CYREN: variants seen among roughly 807,000 people sequenced by gnomAD.
CYREN encodes the protein cell cycle regulator of NHEJ, also known as cell cycle regulator of non-homologous end joining.
CYREN carries 7 observed loss-of-function variants against 9.7 expected under a neutral mutation model. The ratio of observed to expected loss-of-function variants is 0.72; its 90% CI spans 0.41 to 1.36. The LOEUF is 1.36. CYREN is among the 40% of genes most tolerant of loss of function. CYREN has a pLI of 0.01. For missense variants in CYREN, 215 were observed against 198.1 expected, an observed-to-expected ratio of 1.09 and a Z score of -0.51; for synonymous variants, 76 against 77.9, an observed-to-expected ratio of 0.98 and a Z score of 0.13.
At chr7:135,139,250 G>T (rs980909453) in intron 2 of CYREN, among the ~76,000 whole-genome samples, 3 of 150,904 alleles carry the variant, frequency 2.0e-5, no homozygotes, top group African/African-American at 7.3e-5. Context: ...AACCTCACTA[G>T]TTTTTTTTTA....
intron 1 of CYREN, among the ~76,000 whole-genome samples, chr7:135,170,050 T>A (rs987361755): frequency 6.6e-6 from 1 of 152,226 alleles, no homozygotes; most frequent in African/African-American, 2.4e-5. Context: ...GCGGACAAAT[T>A]TAGTTCACCC....
intron 2 of CYREN, among the ~76,000 whole-genome samples, chr7:135,125,578 G>C (rs62479727): frequency 3.9e-5 from 6 of 151,916 alleles, no homozygotes; most frequent in Non-Finnish European, 2.9e-5. Context: ...AAACCAGGAA[G>C]AGACACAACA....
Position 135,151,460 on chromosome 7 carries a change from G to A in CYREN, n.356+17289C>T, listed in dbSNP as rs77775910. ...GGTGGCCTCTGACAAGTAAACCTGC[G>A]CCCTTGTTCTATGCCCTGGCAAGCT... On this transcript the variant is annotated intron_variant and non_coding_transcript_variant, in intron 2 of 2. Transcript: ENST00000459937. The surrounding 1 kb of genome is among the most constrained non-coding windows in gnomAD (Gnocchi z 4.3). Among the ~76,000 whole-genome samples, 159 of 152,220 alleles carry A rather than the reference G, an allele frequency of 1.0e-3. 2 individuals carry two copies. In the East Asian group the frequency reaches 0.027, roughly 26 times the overall value.
chr7:135,096,841 G>A (rs988936605), intron 2 of CYREN, among the ~76,000 whole-genome samples: 44 of 151,978 alleles, frequency 2.9e-4, no homozygotes, highest in Non-Finnish European at 4.1e-4. Flanking sequence ...AATGACTGGC[G>A]GAAGAACATA....
Position 135,151,395 on chromosome 7 carries a change from A to G in CYREN, n.356+17354T>C, listed in dbSNP as rs1829662519. Reference sequence around the variant, plus strand: ...CCACACCTAAACCATGAGCACACTGATCTTCAATGTGTTCCACCAGAAATA... The same window carrying G: ...CCACACCTAAACCATGAGCACACTGGTCTTCAATGTGTTCCACCAGAAATA... On this transcript the variant is annotated intron_variant and non_coding_transcript_variant, in intron 2 of 2. Coordinates refer to the CYREN transcript ENST00000459937. This position sits in a 1 kb window ranked among gnomAD's most constrained non-coding sequence, Gnocchi z 4.3. 6.6e-6 allele frequency among the ~76,000 whole-genome samples: 1 copy of G among 152,156 alleles called. No homozygotes were observed.
intron 2 of CYREN, among the ~76,000 whole-genome samples, chr7:135,148,442 T>C (rs1361578857): frequency 6.6e-6 from 1 of 152,236 alleles, no homozygotes; most frequent in Non-Finnish European, 1.5e-5. Context: ...CTACATAATC[T>C]ACCCCCTTTA....
At chr7:135,156,990 T>C (rs1205758401) in intron 2 of CYREN, among the ~76,000 whole-genome samples, 1 of 152,210 alleles carries the variant, frequency 6.6e-6, no homozygotes, top group Non-Finnish European at 1.5e-5. Context: ...CACCACCATA[T>C]AAGAAGTGTG....
chr7:135,134,958 G>C, intron 2 of CYREN: 1 of 1,551,182 alleles, frequency 6.4e-7, no homozygotes, highest in Non-Finnish European at 8.7e-7. Context: ...AATGGGTCCA[G>C]TCTAAGCCCC....
Position 135,110,440 on chromosome 7 carries a change from C to G in CYREN, n.357-15858G>C, listed in dbSNP as rs960650127. On this transcript the variant is annotated intron_variant and non_coding_transcript_variant, in intron 2 of 2. Transcript: ENST00000459937. Reference sequence around the variant, plus strand: ...CCTGAGTAGCTGCTCTGCCAAGACTCCATGTATCAATAACCCTATGTGTCA... The same window carrying G: ...CCTGAGTAGCTGCTCTGCCAAGACTGCATGTATCAATAACCCTATGTGTCA... Among the ~76,000 whole-genome samples the G allele has an allele frequency of 5.3e-5, 8 of 152,134 alleles. 1 individual carries two copies. The highest frequency in any genetic ancestry group is 1.9e-4 in the African/African-American group (8 of 41,428).
intron 2 of CYREN, among the ~76,000 whole-genome samples, chr7:135,156,386 T>A (rs557627907): frequency 1.3e-5 from 2 of 152,264 alleles, no homozygotes; most frequent in African/African-American, 4.8e-5. Flanking sequence ...CTCAAAGGCT[T>A]TATTCATTCT....
At chr7:135,149,318 T>C (rs1490242407) in intron 2 of CYREN, among the ~76,000 whole-genome samples, 1 of 152,236 alleles carries the variant, frequency 6.6e-6, no homozygotes, top group Non-Finnish European at 1.5e-5. Flanking sequence ...CTTTAGTCTC[T>C]TTCTCCTATG....
At chr7:135,096,564 GATAGATAGATAGATAGATAC>G (rs60550321) in intron 2 of CYREN, among the ~76,000 whole-genome samples, 15,090 of 56,298 alleles carry the variant, frequency 0.27, 1,073 homozygotes, top group Middle Eastern at 0.44. Context: ...AAGAAAGATA[GATAGATAGATAGATAGATAC>G]ATAGATAGAT....
At chr7:135,094,808 C>T (rs6946387) in intron 2 of CYREN, among the ~76,000 whole-genome samples, 67,172 of 151,986 alleles carry the variant, frequency 0.44, 15,497 homozygotes, top group East Asian at 0.78. Context: ...ATTCAGATTA[C>T]ATAAGTTGTT....
chr7:135,093,298 C>T (rs1822141685), exon 3 of CYREN: 1 of 151,894 alleles, frequency 6.6e-6, no homozygotes, highest in African/African-American at 2.4e-5. Context: ...GGAACACACA[C>T]ACACACATAC....
chr7:135,101,460 G>T (rs1477553419), intron 2 of CYREN, among the ~76,000 whole-genome samples: 1 of 151,820 alleles, frequency 6.6e-6, no homozygotes, highest in Non-Finnish European at 1.5e-5. Context: ...TATATGAGTT[G>T]AATATAGAAG....
At chr7:135,127,333 G>C (rs1005740366) in intron 2 of CYREN, among the ~76,000 whole-genome samples, 7 of 151,612 alleles carry the variant, frequency 4.6e-5, no homozygotes, top group African/African-American at 1.7e-4. Context: ...AGGGTGGGTG[G>C]ATCACGAGGT....
At chr7:135,127,484 C>T (rs10258478) in intron 2 of CYREN, among the ~76,000 whole-genome samples, 2,887 of 151,240 alleles carry the variant, frequency 0.019, 104 homozygotes, top group African/African-American at 0.065. Flanking sequence ...ACCCGGGAGG[C>T]GGAGGTTGCA....
intron 2 of CYREN, among the ~76,000 whole-genome samples, chr7:135,140,772 G>T (rs1454852581): frequency 6.6e-6 from 1 of 151,960 alleles, no homozygotes; most frequent in East Asian, 1.9e-4. Context: ...TAACATGAAG[G>T]GATGCTGAAT....
downstream of CYREN, among the ~76,000 whole-genome samples, chr7:135,161,413 A>G (rs1829934624): frequency 6.6e-6 from 1 of 152,214 alleles, no homozygotes; most frequent in South Asian, 2.1e-4. The surrounding 1 kb of genome is among the most constrained non-coding windows in gnomAD (Gnocchi z 4.1). Context: ...GGCATCCCCA[A>G]GTCCCTTCCC....
Sources: allele counts gnomAD v4.1 joint callset (sites outside exome capture counted in the v4.1 genomes callset), GRCh38; gene constraint gnomAD v4.1.1; non-coding constraint Gnocchi (gnomAD v3.1); transcripts MANE v1.5; gene names NCBI Gene and HGNC (gene_info 2026-07-23, HGNC 2026-07-21).